Variants in CAMSAP2 observed in about 807,000 individuals in gnomAD.
CAMSAP2 encodes calmodulin regulated spectrin associated protein family member 2, also known as calmodulin-regulated spectrin-associated protein 2.
Under a neutral mutation model 146.1 loss-of-function variants are expected in CAMSAP2, and 26 were observed. That is an observed-to-expected ratio of 0.18 (90% CI 0.13 to 0.25). The LOEUF (loss-of-function observed/expected upper bound fraction) is 0.25, where lower values mean the gene tolerates loss of function less well. Ranked by LOEUF, CAMSAP2 falls within the 10% of genes least tolerant of loss-of-function variation. The probability of loss-of-function intolerance (pLI) is 1.00; values close to 1 mark genes in which losing one functional copy is unlikely to be tolerated. For synonymous variants in CAMSAP2, 499 were observed against 596.6 expected (o/e 0.84, Z 2.38); for missense variants, 1,381 against 1,759.3 (o/e 0.78, Z 3.85).
intron 2 of CAMSAP2, among the ~76,000 whole-genome samples, chr1:200,795,735 A>G (rs1257227607): frequency 1.3e-5 from 2 of 152,198 alleles, no homozygotes. Context: ...GGGTAGTGTG[A>G]TTATTACCAA....
At chr1:200,772,585 T>G (rs12043133) in intron 2 of CAMSAP2, among the ~76,000 whole-genome samples, 48,333 of 151,930 alleles carry the variant, frequency 0.32, 8,776 homozygotes, top group East Asian at 0.53. Context: ...CTCCAGCCTG[T>G]GCGACAGAGG....
At chr1:200,819,336 C>A (rs921892868) in intron 4 of CAMSAP2, among the ~76,000 whole-genome samples, 1 of 151,996 alleles carries the variant, frequency 6.6e-6, no homozygotes, top group Non-Finnish European at 1.5e-5. Flanking sequence ...AATTAGGGTG[C>A]CTAATTAAAT....
At position 200,816,603 on chromosome 1, in the gene CAMSAP2, A is replaced by T. The variant is rs1444139708; in HGVS notation, c.645+959A>T. Among the ~76,000 whole-genome samples, 192 of 110,918 alleles carry T rather than the reference A, an allele frequency of 1.7e-3. 7 individuals carry two copies. Among genetic ancestry groups the T allele is most frequent in the South Asian group, 5.0e-3 (19 of 3,798 alleles). The allele number at this position is 110,918 out of a possible 152,430, so 72.8% of individuals were successfully genotyped here. ...GAGCAAAACTTCATCTCAAAAAAAA[A>T]AAATATATATATATATATATATGTA... On this transcript the variant is annotated intron_variant, in intron 4 of 16. Coordinates refer to ENST00000358823, the MANE Select transcript of CAMSAP2 (RefSeq NM_203459.4).
rs1336013337 is a variant in CAMSAP2 at position 200,816,898 on chromosome 1, A to G, written c.645+1254A>G. On this transcript the variant is annotated intron_variant, in intron 4 of 16. Coordinates refer to ENST00000358823, the MANE Select transcript of CAMSAP2 (RefSeq NM_203459.4). ...CACACACACGCGTGTGTATGTGTGT[A>G]CACACACACGCGTGTGTATGTGTGT... 2.9e-4 allele frequency among the ~76,000 whole-genome samples: 14 copies of G among 47,634 alleles called. 2 individuals carry two copies. Among genetic ancestry groups the G allele is most frequent in the Non-Finnish European group, 1.5e-4 (4 of 26,284 alleles). 31.2% of individuals were successfully genotyped at this position (47,634 alleles called of 152,430 possible). A position where few individuals can be genotyped will look rare whatever the true frequency, so the allele number is the denominator to read the frequency against.
chr1:200,814,840 A>G lies in CAMSAP2; in HGVS notation c.562-721A>G, dbSNP rs1297628240. Among the ~76,000 whole-genome samples the G allele has an allele frequency of 2.6e-5, 4 of 152,268 alleles. No individual in the cohort carries two copies. In the East Asian group the frequency reaches 5.8e-4, roughly 22 times the overall value. Reference sequence around the variant, plus strand: ...GTGGCTAATGGCATTAATATTTTCTACAGTGCCATGATTAATAAATTTGAA... The same window carrying G: ...GTGGCTAATGGCATTAATATTTTCTGCAGTGCCATGATTAATAAATTTGAA... On this transcript the variant is annotated intron_variant, in intron 3 of 16. Transcript: ENST00000358823.
In CAMSAP2 at chr1:200,853,218, C is replaced by A; in HGVS notation, c.3603-57C>A. 4.9e-6 allele frequency: 7 copies of A among 1,419,890 alleles called. No individual in the cohort carries two copies. In the South Asian group the frequency reaches 5.9e-5, roughly 12 times the overall value. 88.0% of individuals were successfully genotyped at this position (1,419,890 alleles called of 1,614,324 possible). On this transcript the variant is annotated intron_variant, in intron 12 of 16. Coordinates refer to ENST00000358823, the MANE Select transcript of CAMSAP2 (RefSeq NM_203459.4). The surrounding 1 kb of genome is among the most constrained non-coding windows in gnomAD (Gnocchi z 5.1). ...TCTCATATCAAATACATAACTCTCTCCTGTATGGTTTGTCTTTGGTATGCA... is the reference window on the plus strand; with the variant it reads ...TCTCATATCAAATACATAACTCTCTACTGTATGGTTTGTCTTTGGTATGCA...
At chr1:200,771,582 T>G (rs959768307) in intron 2 of CAMSAP2, among the ~76,000 whole-genome samples, 3 of 152,118 alleles carry the variant, frequency 2.0e-5, no homozygotes, top group African/African-American at 7.2e-5. Context: ...TTTAGACAAA[T>G]TGGGGAGGTG....
In CAMSAP2 at chr1:200,790,826, A is replaced by G. The variant is rs80205501; in HGVS notation, c.400-16550A>G. On this transcript the variant is annotated intron_variant, in intron 2 of 16. Transcript: ENST00000358823. ...GACATCTTTAGATCAATAAACATTG[A>G]GAAAAGTTATCTTTATTTTACCTCC... Among the ~76,000 whole-genome samples the G allele has an allele frequency of 2.5e-3, 377 of 152,242 alleles. 3 individuals carry two copies. The highest frequency in any genetic ancestry group is 8.8e-3 in the African/African-American group (366 of 41,546).
At chr1:200,839,154 G>A (rs1033865916) in intron 6 of CAMSAP2, among the ~76,000 whole-genome samples, 1 of 152,188 alleles carries the variant, frequency 6.6e-6, no homozygotes, top group African/African-American at 2.4e-5. Context: ...TTTCAAAGAG[G>A]GGCGAGATCA....
At chr1:200,771,928 C>T (rs1213951172) in intron 2 of CAMSAP2, among the ~76,000 whole-genome samples, 1 of 152,094 alleles carries the variant, frequency 6.6e-6, no homozygotes, top group African/African-American at 2.4e-5. Flanking sequence ...TAAATTACAG[C>T]TAATTTAACA....
chr1:200,770,752 A>G (rs550200134), intron 2 of CAMSAP2, among the ~76,000 whole-genome samples: 143 of 152,280 alleles, frequency 9.4e-4, no homozygotes, highest in Non-Finnish European at 1.4e-3. Flanking sequence ...TAAAACATGT[A>G]TACGTTATTA....
chr1:200,756,850 G>A (rs1664669011), intron 1 of CAMSAP2, among the ~76,000 whole-genome samples: 1 of 152,070 alleles, frequency 6.6e-6, no homozygotes, highest in South Asian at 2.1e-4. Context: ...CGCTGAGTTA[G>A]GCCCTAGAGA....
At chr1:200,813,695 A>G (rs910231826) in intron 3 of CAMSAP2, among the ~76,000 whole-genome samples, 1 of 152,216 alleles carries the variant, frequency 6.6e-6, no homozygotes, top group African/African-American at 2.4e-5. Flanking sequence ...CCTCTTTAAA[A>G]ATGAAGGTAT....
Position 200,770,961 on chromosome 1 carries a change from A to G in CAMSAP2, c.399+9863A>G, listed in dbSNP as rs549882014. ...AGTAACAGAGCAGAGATAGATCCCA[A>G]TCTTCTTACTTCTAACCCAGTGCTT... is the stretch of plus-strand genomic sequence containing the variant. On this transcript the variant is annotated intron_variant, in intron 2 of 16. Coordinates refer to ENST00000358823, the MANE Select transcript of CAMSAP2 (RefSeq NM_203459.4). Among the ~76,000 whole-genome samples, 16 of 152,296 alleles carry G rather than the reference A, an allele frequency of 1.1e-4. No individual in the cohort carries two copies. The South Asian group carries it at 2.9e-3, about 28-fold the overall frequency.
intron 4 of CAMSAP2, among the ~76,000 whole-genome samples, chr1:200,822,139 T>C: frequency 6.8e-6 from 1 of 146,338 alleles, no homozygotes; most frequent in South Asian, 2.2e-4. Context: ...TCTCTCGCTC[T>C]ACACACACAC....
chr1:200,798,214 G>T (rs1469747206), intron 2 of CAMSAP2, among the ~76,000 whole-genome samples: 2 of 148,416 alleles, frequency 1.3e-5, no homozygotes, highest in Non-Finnish European at 3.0e-5. Context: ...AAAGTCATTG[G>T]TAGCTTGATG....
Position 200,844,118 on chromosome 1 carries a change from GC to G in CAMSAP2, c.1022-662del, listed in dbSNP as rs956223310. Among the ~76,000 whole-genome samples the G allele has an allele frequency of 3.4e-4, 52 of 151,990 alleles. 1 individual carries two copies. Among genetic ancestry groups the G allele is most frequent in the Non-Finnish European group, 6.0e-4 (41 of 68,008 alleles). On this transcript the variant is annotated intron_variant, in intron 7 of 16. Coordinates refer to ENST00000358823, the MANE Select transcript of CAMSAP2 (RefSeq NM_203459.4). ...AATCTCCTGACCTCGTGATCCACCG[GC>G]CTCAGCCTCCCAGAGTACTGGGATT...
chr1:200,835,857 A>C (rs1156654219), intron 6 of CAMSAP2, among the ~76,000 whole-genome samples: 1 of 152,202 alleles, frequency 6.6e-6, no homozygotes, highest in Admixed American at 6.5e-5. Flanking sequence ...TGTCTCACTA[A>C]ATACATGGAG....
intron 2 of CAMSAP2, among the ~76,000 whole-genome samples, chr1:200,766,189 G>A (rs1664945918): frequency 6.6e-6 from 1 of 150,996 alleles, no homozygotes; most frequent in African/African-American, 2.4e-5. Context: ...TGTTGCCCAG[G>A]CTGGAGTGCA....
Sources: gnomAD v4.1 joint callset for allele counts (sites outside exome capture counted in the v4.1 genomes callset) on GRCh38, gnomAD v4.1.1 for gene constraint, Gnocchi (gnomAD v3.1) non-coding constraint, MANE v1.5 for transcripts, NCBI Gene and HGNC (gene_info 2026-07-23, HGNC 2026-07-21) for gene names.